Variants in MAK observed in about 807,000 individuals in gnomAD.
MAK encodes serine/threonine-protein kinase MAK.
Under a neutral mutation model 82.6 loss-of-function variants are expected in MAK, and 65 were observed. The ratio of observed to expected loss-of-function variants is 0.79; its 90% CI spans 0.64 to 0.97. MAK has a LOEUF of 0.97. MAK is among the 50% of genes least tolerant of loss of function. The pLI, the probability that MAK is intolerant of heterozygous loss-of-function variation, is 0.00. For synonymous variants in MAK, 250 were observed against 274.2 expected (o/e 0.91, Z 0.87); for missense variants, 703 against 780.2 (o/e 0.90, Z 1.18).
chr6:10,803,788 G>C lies in MAK; in HGVS notation c.595C>G (p.Leu199Val). The C allele has an allele frequency of 6.2e-7, 1 of 1,614,096 alleles. No individual in the cohort carries two copies. The highest frequency in any genetic ancestry group is 2.2e-5 in the East Asian group (1 of 44,878). Residue 199 changes from leucine (L) to valine (V), a missense_variant, in exon 7 of 15, where the codon CTT (leucine) becomes GTT (valine). Physicochemically the swap from Leu to Val is conservative, Grantham distance 32 (BLOSUM62 1). Coordinates refer to ENST00000354489, the MANE Select transcript of MAK (RefSeq NM_001242957.3). ...IMAELYMLRPLFPGTSEVDEI... is the reference protein window; with the variant it reads ...IMAELYMLRPVFPGTSEVDEI... ...TCGACCTCACTTGTCCCTGGGAAAA[G>C]TGGCCTTAACATATAGAGTTCAGCC...
At chr6:10,822,900 T>A (rs183622249) in intron 2 of MAK, among the ~76,000 whole-genome samples, 16 of 152,270 alleles carry the variant, frequency 1.1e-4, no homozygotes, top group Middle Eastern at 3.4e-3. Context: ...ATAACTTTTT[T>A]TAAAAAAAAT....
chr6:10,797,991 T>C (rs1160965602), intron 8 of MAK: 2 of 1,055,938 alleles, frequency 1.9e-6, no homozygotes, highest in Admixed American at 5.3e-5. Context: ...ACTCAAATTC[T>C]GAATTAAGTC....
At position 10,800,403 on chromosome 6, in the gene MAK, A is replaced by G. The variant is rs1775925209; in HGVS notation, c.831+1489T>C. 6.6e-6 allele frequency among the ~76,000 whole-genome samples: 1 copy of G among 152,132 alleles called. No individual in the cohort carries two copies. The highest frequency in any genetic ancestry group is 2.1e-4 in the South Asian group (1 of 4,836). ...TACATAGAGAAAAATTTTACTTTTT[A>G]TGTAATCAAATTGTTTGAATCTTCC... On this transcript the variant is annotated intron_variant, in intron 8 of 14. Transcript: ENST00000354489. The surrounding 1 kb of genome is among the most constrained non-coding windows in gnomAD (Gnocchi z 4.2).
In MAK at chr6:10,791,970, G is replaced by T. The variant is rs1001615970; in HGVS notation, c.1144-123C>A. The stretch of plus-strand genomic sequence containing the variant: ...TCAAGGAGCGTTCCATACATGTAAG[G>T]GCATAACATATATACACATTTAAAA... On this transcript the variant is annotated intron_variant, in intron 9 of 14. Transcript: ENST00000354489. 13 of 982,668 alleles carry T rather than the reference G, an allele frequency of 1.3e-5. No individual in the cohort carries two copies. The Admixed American group carries it at 2.5e-4, about 19-fold the overall frequency. The allele number at this position is 982,668 out of a possible 1,614,324, so 60.9% of individuals were successfully genotyped here.
At chr6:10,806,267 C>T (rs1453033098) in intron 6 of MAK, among the ~76,000 whole-genome samples, 2 of 151,746 alleles carry the variant, frequency 1.3e-5, no homozygotes, top group African/African-American at 2.4e-5. Context: ...CTCCACCTCC[C>T]GGGTTCAAGT....
At position 10,772,595 on chromosome 6, in the gene MAK, G is replaced by A. The variant is rs537032791; in HGVS notation, c.1672+439C>T. Among the ~76,000 whole-genome samples the A allele has an allele frequency of 8.6e-5, 13 of 151,856 alleles. 1 individual carries two copies. The highest frequency in any genetic ancestry group is 5.9e-4 in the Admixed American group (9 of 15,230). ...CTTGATCTCATGATCTGCCCGGCTC[G>A]GCCTCCTGAAGTGCTGGGATTTCAG... On this transcript the variant is annotated intron_variant, in intron 13 of 14. Transcript: ENST00000354489.
Position 10,830,539 on chromosome 6 carries a change from A to C in MAK, c.101+9T>G. 1 of 1,609,590 alleles carries C rather than the reference A, an allele frequency of 6.2e-7. No homozygotes were observed. Among genetic ancestry groups the C allele is most frequent in the South Asian group, 1.1e-5 (1 of 90,984 alleles). ...TCAAAGGTGAAGTTGGCAGTGTCAC[A>C]CACAGTACCTTTTGATGGCCACCAG... On this transcript the variant is annotated intron_variant, in intron 2 of 14. Coordinates refer to ENST00000354489, the MANE Select transcript of MAK (RefSeq NM_001242957.3).
chr6:10,813,800 G>A, intron 4 of MAK, 77 bp from the exon 5 acceptor site: 1 of 809,622 alleles, frequency 1.2e-6, no homozygotes, highest in Non-Finnish European at 2.2e-6. Context: ...TATTCCCCCT[G>A]CCTTGGAGCC....
intron 14 of MAK, among the ~76,000 whole-genome samples, chr6:10,768,282 A>C (rs1224822692): frequency 6.6e-6 from 1 of 152,172 alleles, no homozygotes; most frequent in Non-Finnish European, 1.5e-5. Flanking sequence ...TTTATATTAA[A>C]AATATAAAAT....
chr6:10,789,781 G>A (rs1180493691), intron 10 of MAK, among the ~76,000 whole-genome samples: 2 of 152,060 alleles, frequency 1.3e-5, no homozygotes, highest in Non-Finnish European at 2.9e-5. Context: ...TCAGCCTGCT[G>A]AGTAGCTGGG....
chr6:10,773,690 ATTTTTTT>A (rs34702806), intron 12 of MAK, among the ~76,000 whole-genome samples: 9 of 136,744 alleles, frequency 6.6e-5, no homozygotes, highest in African/African-American at 2.4e-4. Flanking sequence ...ACTATTAGTG[ATTTTTTT>A]TTTTTTTTTT....
intron 14 of MAK, 75 bp downstream of exon 14, chr6:10,770,036 G>C: frequency 6.2e-7 from 1 of 1,612,090 alleles, no homozygotes; most frequent in Middle Eastern, 1.7e-4. Flanking sequence ...TGGGAAAAGT[G>C]ACTGCATAAA....
chr6:10,808,959 GAAAA>G lies in MAK; in HGVS notation c.359-21_359-18del. 6.3e-7 allele frequency: 1 copy of G among 1,584,266 alleles called. No homozygotes were observed. Among genetic ancestry groups the G allele is most frequent in the Non-Finnish European group, 8.6e-7 (1 of 1,158,820 alleles). ...GAAAAAAGCCTTGATGATATACGGA[GAAAA>G]AAAAATACAGTAAATCATTACGTTT... On this transcript the variant is annotated intron_variant, in intron 5 of 14. Transcript: ENST00000354489.
intron 9 of MAK, among the ~76,000 whole-genome samples, chr6:10,794,862 C>T (rs1269270646): frequency 1.3e-5 from 2 of 151,976 alleles, no homozygotes; most frequent in Non-Finnish European, 2.9e-5. Context: ...CATGGTGGCA[C>T]ATGCCTGTAA....
At chr6:10,817,764 T>C in intron 4 of MAK, 86 bp downstream of exon 4, 1 of 1,116,238 alleles carries the variant, frequency 9.0e-7, no homozygotes, top group Non-Finnish European at 1.3e-6. Flanking sequence ...GAGCAATCAA[T>C]CTTTCTCTCA....
At chr6:10,794,143 C>A (rs1775314977) in intron 9 of MAK, among the ~76,000 whole-genome samples, 2 of 152,108 alleles carry the variant, frequency 1.3e-5, no homozygotes, top group African/African-American at 4.8e-5. Flanking sequence ...AAGTGATTAG[C>A]CTTCATTAAA....
chr6:10,836,381 C>G (rs762367097), intron 1 of MAK, among the ~76,000 whole-genome samples: 1 of 152,204 alleles, frequency 6.6e-6, no homozygotes, highest in Non-Finnish European at 1.5e-5. Context: ...CAGGGTGAGA[C>G]GCTGATCATT....
At chr6:10,813,134 AAATTTTTTTTTT>A (rs1777176839) in intron 5 of MAK, among the ~76,000 whole-genome samples, 15 of 728 alleles carry the variant, frequency 0.021, no homozygotes, top group African/African-American at 0.039. Flanking sequence ...ATATATATAT[AAATTTTTTTTTT>A]TTTTTTTTTT....
intron 13 of MAK, among the ~76,000 whole-genome samples, chr6:10,770,592 C>G (rs1254948185): frequency 1.3e-5 from 2 of 152,156 alleles, no homozygotes; most frequent in African/African-American, 4.8e-5. Flanking sequence ...CACTGCGAAG[C>G]CCCTATCTCT....
Sources: gnomAD v4.1 joint callset for allele counts (sites outside exome capture counted in the v4.1 genomes callset) on GRCh38, gnomAD v4.1.1 for gene constraint, Gnocchi (gnomAD v3.1) non-coding constraint, MANE v1.5 for transcripts, NCBI Gene and HGNC (gene_info 2026-07-23, HGNC 2026-07-21) for gene names.